MYH15: variants seen among roughly 807,000 people sequenced by gnomAD.
MYH15 encodes the protein myosin-15.
MYH15 carries 227 observed loss-of-function variants against 240.5 expected under a neutral mutation model. The observed-to-expected ratio is 0.94, with a 90% CI of 0.85 to 1.05. The LOEUF is 1.05. Among genes scored for constraint, MYH15 ranks in the 50% least tolerant of loss-of-function variants. The probability of loss-of-function intolerance (pLI) is 0.00; values close to 1 mark genes in which losing one functional copy is unlikely to be tolerated. For missense variants in MYH15, 2,217 were observed against 2,247.5 expected (o/e 0.99, Z 0.27); for synonymous variants, 785 against 796.7 (o/e 0.99, Z 0.25).
At chr3:108,440,994 T>G in intron 23 of MYH15, 24 bp downstream of exon 23, 1 of 1,612,354 alleles carries the variant, frequency 6.2e-7, no homozygotes, top group Non-Finnish European at 8.5e-7. Flanking sequence ...TAGGCCTTCT[T>G]AACTAACATT....
chr3:108,490,503 A>G (rs1247623221), intron 9 of MYH15, among the ~76,000 whole-genome samples: 1 of 152,204 alleles, frequency 6.6e-6, no homozygotes, highest in Non-Finnish European at 1.5e-5. Flanking sequence ...TTCCTATGCC[A>G]CTTTAAATGG....
intron 35 of MYH15, among the ~76,000 whole-genome samples, chr3:108,395,650 T>TC (rs35351493): frequency 6.9e-6 from 1 of 145,760 alleles, no homozygotes; most frequent in African/African-American, 2.5e-5. Context: ...TTTTTTTTTT[T>TC]AGGAGAAAGG....
chr3:108,466,074 T>G (rs954804031), intron 14 of MYH15, among the ~76,000 whole-genome samples: 4 of 152,216 alleles, frequency 2.6e-5, no homozygotes, highest in Non-Finnish European at 5.9e-5. Context: ...CAACAACATG[T>G]AAACAAAATG....
At chr3:108,542,516 A>G in the MYH15 span, among the ~76,000 whole-genome samples, 2,954 of 152,260 alleles carry the variant, frequency 0.019, 108 homozygotes, top group African/African-American at 0.068. Context: ...ATGCATTTAA[A>G]TTTCCTCCAT....
At chr3:108,468,257 C>T (rs2083139181) in intron 14 of MYH15, among the ~76,000 whole-genome samples, 2 of 152,196 alleles carry the variant, frequency 1.3e-5, no homozygotes, top group East Asian at 1.9e-4. Context: ...TAAGCCACTG[C>T]ACCCAGCTGA....
At chr3:108,494,949 A>C (rs1576268573) in intron 7 of MYH15, among the ~76,000 whole-genome samples, 1 of 152,098 alleles carries the variant, frequency 6.6e-6, no homozygotes, top group East Asian at 1.9e-4. Flanking sequence ...ATATTTCAGC[A>C]GAAAGTCCTT....
At chr3:108,395,639 T>C (rs887175677) in intron 35 of MYH15, among the ~76,000 whole-genome samples, 4 of 151,038 alleles carry the variant, frequency 2.6e-5, no homozygotes, top group Non-Finnish European at 5.9e-5. Flanking sequence ...TTCTTTCTTT[T>C]TTTTTTTTTT....
At chr3:108,435,284 T>C (rs915698578) in intron 25 of MYH15, among the ~76,000 whole-genome samples, 3 of 152,220 alleles carry the variant, frequency 2.0e-5, no homozygotes, top group African/African-American at 7.2e-5. Flanking sequence ...TTATTGACTG[T>C]ATTTTATTCT....
At chr3:108,512,939 A>T (rs768903124), upstream of MYH15, among the ~76,000 whole-genome samples, 7 of 152,122 alleles carry the variant, frequency 4.6e-5, no homozygotes, top group Non-Finnish European at 8.8e-5. Context: ...TCACCTGAGC[A>T]AAAAAAGGAT....
intron 14 of MYH15, among the ~76,000 whole-genome samples, chr3:108,468,993 G>C (rs116334798): frequency 0.016 from 2,505 of 152,152 alleles, 56 homozygotes; most frequent in African/African-American, 0.057. Context: ...TTTTTAATCA[G>C]CTCATGTTTG....
intron 19 of MYH15, 143 bp from the exon 20 acceptor site, chr3:108,456,002 C>A (rs755871442): frequency 1.2e-6 from 1 of 825,796 alleles, no homozygotes; most frequent in Non-Finnish European, 1.9e-6. Flanking sequence ...TTCTTAGTAA[C>A]AATAATGAGG....
chr3:108,453,883 G>GT (rs1215635780), intron 21 of MYH15, 123 bp downstream of exon 21: 5 of 973,478 alleles, frequency 5.1e-6, no homozygotes, highest in Middle Eastern at 2.3e-4. Flanking sequence ...ATTTAAAAAT[G>GT]TTTAAGACCC....
chr3:108,443,231 C>T (rs1209747221), intron 22 of MYH15, among the ~76,000 whole-genome samples: 1 of 152,136 alleles, frequency 6.6e-6, no homozygotes, highest in African/African-American at 2.4e-5. Flanking sequence ...AGACTGTATA[C>T]ATTGAAGTTG....
chr3:108,485,252 C>T (rs1449232422), intron 10 of MYH15, 23 bp from the exon 11 acceptor site: 1 of 1,612,972 alleles, frequency 6.2e-7, no homozygotes, highest in East Asian at 2.2e-5. Context: ...AAACAGATGG[C>T]CCTGTCTTCA....
At chr3:108,402,470 T>C (rs768062791) in intron 33 of MYH15, among the ~76,000 whole-genome samples, 1 of 152,256 alleles carries the variant, frequency 6.6e-6, no homozygotes, top group African/African-American at 2.4e-5. Context: ...TTTCCTATTG[T>C]CTATGGCTGT....
chr3:108,443,457 AAAGC>A (rs1560371009), intron 22 of MYH15, among the ~76,000 whole-genome samples: 2 of 152,226 alleles, frequency 1.3e-5, no homozygotes, highest in African/African-American at 4.8e-5. Flanking sequence ...TCTTGTTTAA[AAAGC>A]AAGATAAATT....
chr3:108,502,671 A>G (rs2083447472), intron 2 of MYH15, among the ~76,000 whole-genome samples: 1 of 152,098 alleles, frequency 6.6e-6, no homozygotes, highest in African/African-American at 2.4e-5. Context: ...GTTTCCTAAC[A>G]CCCTTTCTAT....
chr3:108,543,333 A>AT, the MYH15 span: 1 of 152,164 alleles, frequency 6.6e-6, no homozygotes, highest in Non-Finnish European at 1.5e-5. Flanking sequence ...TGTATTTTTT[A>AT]TAACAGAATG....
upstream of MYH15, among the ~76,000 whole-genome samples, chr3:108,533,419 A>T (rs74717132): frequency 6.6e-6 from 1 of 152,178 alleles, no homozygotes; most frequent in African/African-American, 2.4e-5. Flanking sequence ...TAATTAAATT[A>T]TTGAATTAAA....
Sources: gnomAD v4.1 joint callset for allele counts (sites outside exome capture counted in the v4.1 genomes callset) on GRCh38, gnomAD v4.1.1 for gene constraint, MANE v1.5 for transcripts, NCBI Gene and HGNC (gene_info 2026-07-23, HGNC 2026-07-21) for gene names.